WIPF3: variants seen among roughly 807,000 people sequenced by gnomAD.
WIPF3 encodes the protein WAS/WASL interacting protein family member 3.
A neutral mutation model predicts 38.9 loss-of-function variants in WIPF3; 33 were observed. That is an observed-to-expected ratio of 0.85 (90% confidence interval 0.64 to 1.14). WIPF3 has a LOEUF of 1.14. WIPF3 is among the 50% of genes most tolerant of loss of function. WIPF3 has a pLI of 0.00. For missense variants in WIPF3, 711 were observed against 652.5 expected (o/e 1.09, Z -0.98); for synonymous variants, 324 against 269.3 (o/e 1.20, Z -1.99).
chr7:29,912,121 G>C (rs1212839585), intron 8 of WIPF3, among the ~76,000 whole-genome samples: 1 of 152,142 alleles, frequency 6.6e-6, no homozygotes, highest in Non-Finnish European at 1.5e-5. Flanking sequence ...CAATGGACTT[G>C]AATAGACATT....
intron 1 of WIPF3, among the ~76,000 whole-genome samples, chr7:29,832,562 T>A (rs1301887540): frequency 2.6e-5 from 4 of 152,236 alleles, no homozygotes; most frequent in Non-Finnish European, 4.4e-5. Flanking sequence ...CTTGTTTTAA[T>A]ATCAAGGAAT....
chr7:29,906,149 A>G (rs1786392896), intron 8 of WIPF3: 2 of 152,176 alleles, frequency 1.3e-5, no homozygotes, highest in South Asian at 2.1e-4. Context: ...CACATCATAC[A>G]AAGAAACAGG....
At chr7:29,899,324 A>G (rs1405433809) in intron 7 of WIPF3, among the ~76,000 whole-genome samples, 2 of 152,234 alleles carry the variant, frequency 1.3e-5, no homozygotes, top group Non-Finnish European at 1.5e-5. Context: ...TACCCTGTAT[A>G]AGACAGAAGC....
At chr7:29,902,274 CTT>C (rs11407234) in intron 7 of WIPF3, among the ~76,000 whole-genome samples, 7 of 104,098 alleles carry the variant, frequency 6.7e-5, no homozygotes, top group Non-Finnish European at 9.1e-5. Flanking sequence ...TCTTCTTCTT[CTT>C]TTTTTTTTTT....
rs780671399 is a variant in WIPF3, at chr7:29,904,373, C to T, written c.1428+11C>T. On this transcript the variant is annotated intron_variant, in intron 8 of 8. Coordinates refer to ENST00000242140, the MANE Select transcript of WIPF3 (RefSeq NM_001080529.3). ...GGCAGAAATTCTCAGGTAACACAAG[C>T]CTCATGTCTCTGAATGTAAAACCAG... 31 of 1,612,978 alleles carry T rather than the reference C, an allele frequency of 1.9e-5. No homozygotes were observed. The highest frequency in any genetic ancestry group is 2.5e-5 in the Non-Finnish European group (29 of 1,179,118).
At chr7:29,848,438 C>A (rs1785037660) in intron 2 of WIPF3, among the ~76,000 whole-genome samples, 1 of 152,190 alleles carries the variant, frequency 6.6e-6, no homozygotes, top group Admixed American at 6.5e-5. Context: ...TCGTGATACT[C>A]ATGCAAGAAT....
intron 1 of WIPF3, among the ~76,000 whole-genome samples, chr7:29,811,234 A>G (rs559696781): frequency 2.0e-4 from 30 of 147,528 alleles, no homozygotes; most frequent in Admixed American, 1.9e-3. Context: ...ATTCATAGCA[A>G]TGTTCAGTCA....
At chr7:29,862,622 C>T (rs777126428) in intron 2 of WIPF3, among the ~76,000 whole-genome samples, 21 of 152,098 alleles carry the variant, frequency 1.4e-4, no homozygotes, top group Non-Finnish European at 1.6e-4. Context: ...AGTTTGTGTC[C>T]GTTAATGGGG....
At chr7:29,913,858 C>A (rs1458539851) in intron 8 of WIPF3, among the ~76,000 whole-genome samples, 2 of 152,212 alleles carry the variant, frequency 1.3e-5, no homozygotes, top group Non-Finnish European at 2.9e-5. Context: ...GATCTGGTCT[C>A]CAGCCTCACG....
chr7:29,838,291 T>G (rs1784848871), intron 2 of WIPF3, among the ~76,000 whole-genome samples: 1 of 151,860 alleles, frequency 6.6e-6, no homozygotes, highest in Non-Finnish European at 1.5e-5. Flanking sequence ...GGAGCAAAAC[T>G]TAGTGAAATG....
At chr7:29,848,240 G>A (rs1785033787) in intron 2 of WIPF3, among the ~76,000 whole-genome samples, 2 of 152,152 alleles carry the variant, frequency 1.3e-5, no homozygotes, top group Non-Finnish European at 2.9e-5. Flanking sequence ...ACGAAGATCC[G>A]GGGGCATCCT....
intron 2 of WIPF3, among the ~76,000 whole-genome samples, chr7:29,852,087 C>T (rs1273500119): frequency 5.3e-5 from 8 of 152,060 alleles, no homozygotes; most frequent in Non-Finnish European, 5.9e-5. Flanking sequence ...CTGCAGCCTC[C>T]AGCTACTGGA....
intron 1 of WIPF3, among the ~76,000 whole-genome samples, chr7:29,808,461 C>T (rs1362838493): frequency 6.6e-6 from 1 of 152,216 alleles, no homozygotes; most frequent in Admixed American, 6.5e-5. Context: ...ATTACTTACT[C>T]AGGGTAACAG....
chr7:29,850,322 A>C (rs1291882776), intron 2 of WIPF3, among the ~76,000 whole-genome samples: 1 of 152,224 alleles, frequency 6.6e-6, no homozygotes, highest in African/African-American at 2.4e-5. Flanking sequence ...AGGATAATGG[A>C]AGAAAGTTCA....
At chr7:29,837,330 T>G (rs1784821605) in intron 2 of WIPF3, among the ~76,000 whole-genome samples, 1 of 152,206 alleles carries the variant, frequency 6.6e-6, no homozygotes, top group African/African-American at 2.4e-5. Context: ...CACTCCAGCC[T>G]GGGCAACAGA....
intron 2 of WIPF3, among the ~76,000 whole-genome samples, chr7:29,875,141 C>T (rs1785564104): frequency 6.6e-6 from 1 of 152,214 alleles, no homozygotes; most frequent in East Asian, 1.9e-4. Flanking sequence ...CATTCCCTTT[C>T]TCCACAACTT....
chr7:29,835,441 G>T (rs747977324), intron 2 of WIPF3, among the ~76,000 whole-genome samples: 1 of 152,090 alleles, frequency 6.6e-6, no homozygotes, highest in African/African-American at 2.4e-5. Context: ...GACATTTGGG[G>T]TGAGATCATT....
At chr7:29,904,531 AC>A in intron 8 of WIPF3, 169 bp downstream of exon 8, 1 of 613,558 alleles carries the variant, frequency 1.6e-6, no homozygotes, top group South Asian at 2.2e-5. Flanking sequence ...TGAAACACTC[AC>A]CATTTCAAAA....
Position 29,844,942 on chromosome 7 carries a change from C to T in WIPF3, c.90+10128C>T, listed in dbSNP as rs549367010. 7.2e-4 allele frequency among the ~76,000 whole-genome samples: 110 copies of T among 152,070 alleles called. 1 individual carries two copies. Among genetic ancestry groups the T allele is most frequent in the African/African-American group, 2.1e-3 (88 of 41,482 alleles). On this transcript the variant is annotated intron_variant, in intron 2 of 8. Coordinates refer to ENST00000242140, the MANE Select transcript of WIPF3 (RefSeq NM_001080529.3). The surrounding 1 kb of genome is among the most constrained non-coding windows in gnomAD (Gnocchi z 4.8). ...CTTCTACTTCTCTCAATCTAAAAGC[C>T]AGGAAGTCAATGGATTCGGCTCCCC...
Sources: gnomAD v4.1 joint callset for allele counts (sites outside exome capture counted in the v4.1 genomes callset) on GRCh38, gnomAD v4.1.1 for gene constraint, Gnocchi (gnomAD v3.1) non-coding constraint, MANE v1.5 for transcripts, NCBI Gene and HGNC (gene_info 2026-07-23, HGNC 2026-07-21) for gene names.